The following TEX13B variants were observed in gnomAD, a reference collection of about 807,000 sequenced individuals.
TEX13B encodes testis expressed 13B.
TEX13B carries 5 observed loss-of-function variants against 11.2 expected under a neutral mutation model. The observed-to-expected ratio is 0.44, with a 90% CI of 0.23 to 0.93. The LOEUF is 0.93. TEX13B is among the 40% of genes least tolerant of loss of function. The probability of loss-of-function intolerance (pLI) is 0.23; values close to 1 mark genes in which losing one functional copy is unlikely to be tolerated. For synonymous variants in TEX13B, 115 were observed against 100.9 expected, an observed-to-expected ratio of 1.14 and a Z score of -0.84; for missense variants, 213 against 244.2, an observed-to-expected ratio of 0.87 and a Z score of 0.85.
rs548824099 is a variant in TEX13B at position 107,982,062 on chromosome X, G to C, written c.66C>G (p.Ile22Met). ...FRHGNVVAFI[I>M]EKMARHTKGP... ...CTTTCGTGTGCCTGGCCATTTTCTC[G>C]ATGATGAAGGCCACCACGTTTCCGT... The change falls in exon 2 of 3, where the codon ATC (isoleucine) becomes ATG (methionine). Residue 22 changes from isoleucine (I) to methionine (M), a missense_variant. Coordinates refer to ENST00000302917, the MANE Select transcript of TEX13B (RefSeq NM_031273.2). 293 of 1,209,745 alleles carry C rather than the reference G, an allele frequency of 2.4e-4. 1 individual carries two copies. The South Asian group carries it at 4.7e-3, about 20-fold the overall frequency.
Position 107,980,909 on chromosome X carries a change from C to T in TEX13B, c.*171G>A. 1.4e-6 allele frequency: 1 copy of T among 693,560 alleles called. No individual in the cohort carries two copies. Among genetic ancestry groups the T allele is most frequent in the Non-Finnish European group, 2.3e-6 (1 of 444,050 alleles). The allele number at this position is 693,560 out of a possible 1,213,427, so 57.2% of individuals were successfully genotyped here. ...CCAGATTCGCCTCCCACAGAGGAAG[C>T]AATTTTCCCTCCATGAAAAATTCAC... On this transcript the variant is annotated 3_prime_UTR_variant, in exon 3 of 3. Transcript: ENST00000302917.
Position 107,981,748 on chromosome X carries a change from A to G in TEX13B, c.380T>C (p.Phe127Ser), listed in dbSNP as rs1464346013. 1 of 1,211,037 alleles carries G rather than the reference A, an allele frequency of 8.3e-7. No individual in the cohort carries two copies. Among genetic ancestry groups the G allele is most frequent in the East Asian group, 3.0e-5 (1 of 33,820 alleles). Residue 127 changes from phenylalanine to serine, a missense_variant, in exon 2 of 3, where the codon TTC (phenylalanine) becomes TCC (serine). Phe to Ser is a radical substitution (Grantham distance 155). Transcript: ENST00000302917. ...QQEMECNEAT[F>S]QLQLTETSLA... is the part of the protein sequence containing the mutation. Reference sequence around the variant, plus strand: ...GCTGGTCTCGGTTAGCTGCAACTGGAAGGTCGCCTCATTGCATTCCATCTC... The same window carrying G: ...GCTGGTCTCGGTTAGCTGCAACTGGGAGGTCGCCTCATTGCATTCCATCTC...
chrX:107,981,505 T>C lies in TEX13B; in HGVS notation c.514A>G (p.Thr172Ala). 6.6e-6 allele frequency: 8 copies of C among 1,211,485 alleles called. No individual in the cohort carries two copies. The highest frequency in any genetic ancestry group is 8.9e-6 in the Non-Finnish European group (8 of 895,443). ...GQATVFPGLA[T>A]AGGDWTEGAG... Reference sequence around the variant, plus strand: ...CCTTCTGTCCAATCCCCTCCGGCAGTGGCCAGGCCTGGAAACACTGTAGCC... The same window carrying C: ...CCTTCTGTCCAATCCCCTCCGGCAGCGGCCAGGCCTGGAAACACTGTAGCC... Residue 172 changes from threonine to alanine, a missense_variant, in exon 3 of 3, where the codon ACT becomes GCT. Thr to Ala is a moderately conservative substitution (Grantham distance 58). Transcript: ENST00000302917.
chrX:107,982,019 C>T lies in TEX13B; in HGVS notation c.109G>A (p.Glu37Lys). Residue 37 changes from glutamate (E) to lysine (K), a missense_variant, in exon 2 of 3, where the codon GAG becomes AAG. Glu to Lys is a moderately conservative substitution (Grantham distance 56). Transcript: ENST00000302917. ...RHTKGPEFYF[E>K]NISLSWEEVE... The stretch of plus-strand genomic sequence containing the variant: ...TCCTCCCAGGATAAGGATATATTCT[C>T]GAAGTAGAACTCGGGGCCTTTCGTG... The T allele has an allele frequency of 8.3e-7, 1 of 1,211,630 alleles. No homozygotes were observed. The highest frequency in any genetic ancestry group is 1.8e-5 in the South Asian group (1 of 56,951).
chrX:107,982,218 T>A, intron 1 of TEX13B, 59 bp from the exon 2 acceptor site: 1 of 912,855 alleles, frequency 1.1e-6, no homozygotes, highest in Non-Finnish European at 1.5e-6. Flanking sequence ...TCCCCTCATC[T>A]GTCTTCTCCG....
intron 2 of TEX13B, 42 bp downstream of exon 2, chrX:107,981,627 C>A: frequency 8.4e-7 from 1 of 1,192,242 alleles, no homozygotes; most frequent in Non-Finnish European, 1.1e-6. Flanking sequence ...CAGGTTGGGG[C>A]AGGGCAGAGG....
rs1156512326 is a variant in TEX13B, at chrX:107,981,571, T to C, written c.460-12A>G. The C allele has an allele frequency of 2.5e-6, 3 of 1,207,400 alleles. No individual in the cohort carries two copies. Among genetic ancestry groups the C allele is most frequent in the African/African-American group, 3.5e-5 (2 of 57,553 alleles). On this transcript the variant is annotated splice_polypyrimidine_tract_variant and intron_variant, in intron 2 of 2. Transcript: ENST00000302917. ...GGAGGTGCCAGCTCCTGGAGAGAAG[T>C]AGGCAGAGCTGAAACACATTCTGGG...
chrX:107,981,429 C>T lies in TEX13B; in HGVS notation c.590G>A (p.Gly197Glu). Residue 197 changes from glycine (G) to glutamate (E), a missense_variant, in exon 3 of 3, where the codon GGA (glycine) becomes GAA (glutamate). Coordinates refer to ENST00000302917, the MANE Select transcript of TEX13B (RefSeq NM_031273.2). ...CTCTGCATACCTCTCCTCTCCTTTTCCTCCAGCAGCACCAGCAGCAGCCAC... is the reference window on the plus strand; with the variant it reads ...CTCTGCATACCTCTCCTCTCCTTTTTCTCCAGCAGCACCAGCAGCAGCCAC... ...EAVAAAGAAG[G>E]KGEERYAEAG... The T allele has an allele frequency of 1.7e-6, 2 of 1,212,002 alleles. No individual in the cohort carries two copies. Among genetic ancestry groups the T allele is most frequent in the Non-Finnish European group, 2.2e-6 (2 of 895,598 alleles).
rs150303495 is a variant in TEX13B, at chrX:107,981,745, T to C, written c.383A>G (p.Gln128Arg). The change falls in exon 2 of 3, where the codon CAG becomes CGG. Residue 128 changes from glutamine to arginine, a missense_variant. Physicochemically the swap from Gln to Arg is conservative, Grantham distance 43 (BLOSUM62 1). Transcript: ENST00000302917. ...QEMECNEATF[Q>R]LQLTETSLAE... Reference sequence around the variant, plus strand: ...AAGGCTGGTCTCGGTTAGCTGCAACTGGAAGGTCGCCTCATTGCATTCCAT... The same window carrying C: ...AAGGCTGGTCTCGGTTAGCTGCAACCGGAAGGTCGCCTCATTGCATTCCAT... 274 of 1,210,060 alleles carry C rather than the reference T, an allele frequency of 2.3e-4. No individual in the cohort carries two copies. In the Admixed American group the frequency reaches 4.9e-3, roughly 22 times the overall value.
At chrX:107,982,256 A>C in intron 1 of TEX13B, 54 bp downstream of exon 1, 2 of 658,727 alleles carry the variant, frequency 3.0e-6, no homozygotes, top group Non-Finnish European at 2.2e-6. Context: ...AGACCCTCCT[A>C]ATGACCCTCT....
In TEX13B at chrX:107,981,785, T is replaced by C. The variant is rs1933768270; in HGVS notation, c.343A>G (p.Lys115Glu). ...LVLASNLTEL[K>E]EQQEMECNEA... ...TTGCATTCCATCTCCTGCTGTTCCT[T>C]GAGTTCCGTCAGGTTTGAGGCCAAG... The change falls in exon 2 of 3, where the codon AAG (lysine) becomes GAG (glutamate). Residue 115 changes from lysine to glutamate, a missense_variant. By Grantham distance (56) the Lys-to-Glu change is moderately conservative (BLOSUM62 1). Transcript: ENST00000302917. The C allele has an allele frequency of 1.7e-6, 2 of 1,210,264 alleles. No individual in the cohort carries two copies. Among genetic ancestry groups the C allele is most frequent in the African/African-American group, 1.7e-5 (1 of 57,233 alleles).
Position 107,981,773 on chromosome X carries a change from C to T in TEX13B, c.355G>A (p.Glu119Lys), listed in dbSNP as rs750641317. The change falls in exon 2 of 3, where the codon GAG (glutamate) becomes AAG (lysine). Residue 119 changes from glutamate to lysine, a missense_variant. By Grantham distance (56) the Glu-to-Lys change is moderately conservative. Transcript: ENST00000302917. ...SNLTELKEQQ[E>K]MECNEATFQL... Reference sequence around the variant, plus strand: ...AAGGTCGCCTCATTGCATTCCATCTCCTGCTGTTCCTTGAGTTCCGTCAGG... The same window carrying T: ...AAGGTCGCCTCATTGCATTCCATCTTCTGCTGTTCCTTGAGTTCCGTCAGG... The T allele has an allele frequency of 8.3e-7, 1 of 1,211,961 alleles. No individual in the cohort carries two copies. Among genetic ancestry groups the T allele is most frequent in the Non-Finnish European group, 1.1e-6 (1 of 895,490 alleles).
In TEX13B at chrX:107,981,012, C is replaced by G. The variant is rs994927680; in HGVS notation, c.*68G>C. On this transcript the variant is annotated 3_prime_UTR_variant, in exon 3 of 3. Transcript: ENST00000302917. ...CTTCTCTGCTGATGGAGTTCGGAGT[C>G]TCTCCTGTCTCTTGGGGGCTCTTGA... The G allele has an allele frequency of 1.0e-5, 12 of 1,196,889 alleles. No individual in the cohort carries two copies. The highest frequency in any genetic ancestry group is 1.4e-5 in the Non-Finnish European group (12 of 885,101).
At position 107,982,091 on chromosome X, in the gene TEX13B, G is replaced by A. The variant is rs866825302; in HGVS notation, c.37C>T (p.Arg13Trp). 9.1e-6 allele frequency: 11 copies of A among 1,207,291 alleles called. No homozygotes were observed. Among genetic ancestry groups the A allele is most frequent in the Non-Finnish European group, 1.2e-5 (11 of 892,580 alleles). The change falls in exon 2 of 3, where the codon CGG becomes TGG. Residue 13 changes from arginine to tryptophan, a missense_variant. Arg to Trp is a moderately radical substitution (Grantham distance 101). Transcript: ENST00000302917. Reference protein sequence around the residue: ...LRPEDPSSGFRHGNVVAFIIE... With the variant: ...LRPEDPSSGFWHGNVVAFIIE... ...ATGAAGGCCACCACGTTTCCGTGCCGGAACCCACTACTGGGGTCCTCAGGT... is the reference window on the plus strand; with the variant it reads ...ATGAAGGCCACCACGTTTCCGTGCCAGAACCCACTACTGGGGTCCTCAGGT...
At chrX:107,981,632 C>T in intron 2 of TEX13B, 37 bp downstream of exon 2, 2 of 1,191,393 alleles carry the variant, frequency 1.7e-6, no homozygotes, top group Non-Finnish European at 2.3e-6. Flanking sequence ...TGGGGCAGGG[C>T]AGAGGCATTG....
chrX:107,982,197 T>A (rs755196323), intron 1 of TEX13B, 38 bp from the exon 2 acceptor site: 10 of 1,016,247 alleles, frequency 9.8e-6, no homozygotes, highest in Non-Finnish European at 1.3e-5. Context: ...TCTTTCCTCC[T>A]CCTTAGCCCC....
rs148233537 is a variant in TEX13B, at chrX:107,981,944, C to G, written c.184G>C (p.Glu62Gln). Residue 62 changes from glutamate (E) to glutamine (Q), a missense_variant, in exon 2 of 3, where the codon GAG (glutamate) becomes CAG (glutamine). Physicochemically the swap from Glu to Gln is conservative, Grantham distance 29. Transcript: ENST00000302917. ...CCCCAGGTGCAGGCCTCTTTGACCT[C>G]GCTGGGCACCTCGCTGTCCTCCAGG... is the stretch of plus-strand genomic sequence containing the variant. ...AILEDSEVPS[E>Q]VKEACTWGSL... 127 of 1,210,186 alleles carry G rather than the reference C, an allele frequency of 1.0e-4. No homozygotes were observed. The African/African-American group carries it at 2.0e-3, about 19-fold the overall frequency.
intron 1 of TEX13B, 51 bp from the exon 2 acceptor site, chrX:107,982,210 C>T: frequency 2.1e-6 from 2 of 953,999 alleles, no homozygotes; most frequent in African/African-American, 3.9e-5. Flanking sequence ...TTAGCCCCTC[C>T]CCTCATCTGT....
chrX:107,981,635 A>G (rs1329403977), intron 2 of TEX13B, 34 bp downstream of exon 2: 19 of 1,189,538 alleles, frequency 1.6e-5, no homozygotes, highest in Non-Finnish European at 2.2e-5. Context: ...GGCAGGGCAG[A>G]GGCATTGGAC....
Sources: allele counts gnomAD v4.1 joint callset, GRCh38; gene constraint gnomAD v4.1.1; transcripts MANE v1.5; gene names NCBI Gene and HGNC (gene_info 2026-07-23, HGNC 2026-07-21).